Variants in JDP2 observed in about 807,000 individuals in gnomAD.
The protein encoded by JDP2 is progesterone receptor co-activator.
A neutral mutation model predicts 17.1 loss-of-function variants in JDP2; 9 were observed. The ratio of observed to expected loss-of-function variants is 0.53; its 90% CI spans 0.32 to 0.92. The LOEUF is 0.92. Ranked by LOEUF, JDP2 falls within the 40% of genes least tolerant of loss-of-function variation. The pLI, the probability that JDP2 is intolerant of heterozygous loss-of-function variation, is 0.04. For synonymous variants in JDP2, 107 were observed against 95.6 expected (o/e 1.12, Z -0.69); for missense variants, 179 against 220.0 (o/e 0.81, Z 1.18).
At chr14:75,431,950 G>T (rs1165644585) in intron 1 of JDP2, among the ~76,000 whole-genome samples, 1 of 152,264 alleles carries the variant, frequency 6.6e-6, no homozygotes, top group African/African-American at 2.4e-5. Context: ...GCCATACAGG[G>T]CAAATAACAT....
At chr14:75,432,306 G>C in intron 1 of JDP2, 2 of 1,551,458 alleles carry the variant, frequency 1.3e-6, no homozygotes, top group South Asian at 2.4e-5. Context: ...AAGAGGCTTG[G>C]TGGTTGATTC....
rs1594982702 is a variant in JDP2 at position 75,470,254 on chromosome 14, G to A, written c.*779G>A. The A allele has an allele frequency of 6.8e-6, 1 of 146,866 alleles. No individual in the cohort carries two copies. Among genetic ancestry groups the A allele is most frequent in the African/African-American group, 2.5e-5 (1 of 39,350 alleles). The allele number at this position is 146,866 out of a possible 1,614,324, so 9.1% of individuals were successfully genotyped here. On this transcript the variant is annotated 3_prime_UTR_variant, in exon 4 of 4. Coordinates refer to ENST00000651602, the MANE Select transcript of JDP2 (RefSeq NM_001135048.2). Reference sequence around the variant, plus strand: ...TATATATGGATTTCTATAATCACTCGATGTGATACAGTATAAATATGCTAT... The same window carrying A: ...TATATATGGATTTCTATAATCACTCAATGTGATACAGTATAAATATGCTAT...
rs1886842497 is a variant in JDP2, at chr14:75,472,799, T to C, written c.*3324T>C. ...CTGTAAAGATGGGCTGCCAAGTTTGTGTTCTGACCCTGTACGTGGTCCCTA... is the reference window on the plus strand; with the variant it reads ...CTGTAAAGATGGGCTGCCAAGTTTGCGTTCTGACCCTGTACGTGGTCCCTA... On this transcript the variant is annotated 3_prime_UTR_variant, in exon 4 of 4. Coordinates refer to ENST00000651602, the MANE Select transcript of JDP2 (RefSeq NM_001135048.2). 1 of 152,324 alleles carries C rather than the reference T, an allele frequency of 6.6e-6. No homozygotes were observed. The highest frequency in any genetic ancestry group is 1.5e-5 in the Non-Finnish European group (1 of 68,068). 9.4% of individuals were successfully genotyped at this position (152,324 alleles called of 1,614,324 possible). A position where few individuals can be genotyped will look rare whatever the true frequency, so the allele number is the denominator to read the frequency against.
chr14:75,434,136 C>T (rs534303538), intron 1 of JDP2, among the ~76,000 whole-genome samples: 13 of 152,198 alleles, frequency 8.5e-5, no homozygotes, highest in African/African-American at 4.8e-5. Context: ...GCTGCCACCT[C>T]CACTGCCCCC....
intron 2 of JDP2, among the ~76,000 whole-genome samples, chr14:75,449,079 G>A (rs1885736611): frequency 6.6e-6 from 1 of 152,202 alleles, no homozygotes; most frequent in African/African-American, 2.4e-5. Context: ...TTGATGGGGA[G>A]GTTGCCTTTG....
intron 1 of JDP2, among the ~76,000 whole-genome samples, chr14:75,435,414 G>A (rs938438203): frequency 1.3e-5 from 2 of 152,332 alleles, no homozygotes; most frequent in South Asian, 4.1e-4. Context: ...ATCTCCATGG[G>A]GGGTGGAGGG....
rs180849485 is a variant in JDP2 at position 75,430,214 on chromosome 14, G to C, written c.-24+1962G>C. Among the ~76,000 whole-genome samples the C allele has an allele frequency of 2.6e-5, 4 of 152,090 alleles. No homozygotes were observed. The highest frequency in any genetic ancestry group is 9.7e-5 in the African/African-American group (4 of 41,398). On this transcript the variant is annotated intron_variant, in intron 1 of 3. Coordinates refer to ENST00000651602, the MANE Select transcript of JDP2 (RefSeq NM_001135048.2). The surrounding 1 kb of genome is among the most constrained non-coding windows in gnomAD (Gnocchi z 4.5). The stretch of plus-strand genomic sequence containing the variant: ...ATAGGCTCTCTGGGCCTTGTTTGTC[G>C]TGGGGCTACTGGTGTTGCAATGGGC...
chr14:75,449,080 G>A (rs1241786357), intron 2 of JDP2, among the ~76,000 whole-genome samples: 1 of 152,236 alleles, frequency 6.6e-6, no homozygotes, highest in African/African-American at 2.4e-5. Context: ...TGATGGGGAG[G>A]TTGCCTTTGC....
At chr14:75,449,116 C>T (rs1001495216) in intron 2 of JDP2, among the ~76,000 whole-genome samples, 1 of 152,138 alleles carries the variant, frequency 6.6e-6, no homozygotes, top group Admixed American at 6.5e-5. Flanking sequence ...TTATCTGTGC[C>T]TTGTGCTTGA....
chr14:75,455,153 T>G lies in JDP2; in HGVS notation c.202-6273T>G, dbSNP rs997781519. On this transcript the variant is annotated intron_variant, in intron 2 of 3. Transcript: ENST00000651602. ...CTGGGCACACAAATCTGCGTGCGCA[T>G]GTACTGCATACAGATCCTGATTCAG... is the stretch of plus-strand genomic sequence containing the variant. 2.0e-5 allele frequency among the ~76,000 whole-genome samples: 3 copies of G among 152,154 alleles called. No individual in the cohort carries two copies. The South Asian group carries it at 6.2e-4, about 32-fold the overall frequency.
Position 75,445,240 on chromosome 14 carries a change from G to A in JDP2, c.201+7119G>A, listed in dbSNP as rs985545146. The A allele has an allele frequency of 3.1e-5, 31 of 985,350 alleles. No homozygotes were observed. The African/African-American group carries it at 5.4e-4, about 17-fold the overall frequency. The allele number at this position is 985,350 out of a possible 1,614,324, so 61.0% of individuals were successfully genotyped here. On this transcript the variant is annotated intron_variant, in intron 2 of 3. Transcript: ENST00000651602. ...CAACCTGGCCTGAGGTTGGAGCATG[G>A]AGATCTAGAGGAACTCATGGATGGA...
chr14:75,467,094 G>C (rs1886596031), intron 3 of JDP2, among the ~76,000 whole-genome samples: 1 of 152,198 alleles, frequency 6.6e-6, no homozygotes, highest in African/African-American at 2.4e-5. Context: ...CTCAGATTCT[G>C]AACCCACAAG....
intron 2 of JDP2, among the ~76,000 whole-genome samples, chr14:75,458,725 C>T (rs1886221711): frequency 6.6e-6 from 1 of 152,176 alleles, no homozygotes; most frequent in Non-Finnish European, 1.5e-5. Flanking sequence ...CTGTTTTTAG[C>T]TAAAAGCAGC....
chr14:75,431,183 C>T (rs1312143955), intron 1 of JDP2, among the ~76,000 whole-genome samples: 1 of 152,226 alleles, frequency 6.6e-6, no homozygotes, highest in Non-Finnish European at 1.5e-5. Context: ...TGGTTGTACG[C>T]TCCCAGCTTC....
chr14:75,442,765 A>G (rs1035273455), intron 2 of JDP2, among the ~76,000 whole-genome samples: 2 of 152,162 alleles, frequency 1.3e-5, no homozygotes, highest in Admixed American at 6.5e-5. Flanking sequence ...TGGAATCAGA[A>G]TATCTGAGGG....
intron 3 of JDP2, among the ~76,000 whole-genome samples, chr14:75,465,083 C>T (rs143480087): frequency 3.7e-4 from 56 of 152,264 alleles, no homozygotes; most frequent in African/African-American, 1.3e-3. Context: ...CGAGTCAGGA[C>T]GAGAACCTGG....
intron 3 of JDP2, 147 bp from the exon 4 acceptor site, chr14:75,469,143 C>T (rs1263618363): frequency 4.5e-6 from 3 of 673,552 alleles, no homozygotes. Flanking sequence ...GTCAGTTAGC[C>T]AGGGGCTCAG....
chr14:75,471,754 C>T lies in JDP2; in HGVS notation c.*2279C>T, dbSNP rs889753715. On this transcript the variant is annotated 3_prime_UTR_variant, in exon 4 of 4. Transcript: ENST00000651602. ...CAGCTGTGGCAGAAGGTTGTGGCAG[C>T]GGGTTGCCTTCTGTCTCGGGGGTCT... 1.0e-4 allele frequency: 16 copies of T among 154,334 alleles called. No homozygotes were observed. Among genetic ancestry groups the T allele is most frequent in the Admixed American group, 9.7e-4 (15 of 15,522 alleles). The allele number at this position is 154,334 out of a possible 1,614,324, so 9.6% of individuals were successfully genotyped here. A position where few individuals can be genotyped will look rare whatever the true frequency, so the allele number is the denominator to read the frequency against.
intron 2 of JDP2, among the ~76,000 whole-genome samples, chr14:75,447,566 CTT>C (rs1885657776): frequency 6.6e-6 from 1 of 152,100 alleles, no homozygotes; most frequent in Non-Finnish European, 1.5e-5. Flanking sequence ...TTTACATAGA[CTT>C]CAGCACAAAG....
Sources: allele counts gnomAD v4.1 joint callset (sites outside exome capture counted in the v4.1 genomes callset), GRCh38; gene constraint gnomAD v4.1.1; non-coding constraint Gnocchi (gnomAD v3.1); transcripts MANE v1.5; gene names NCBI Gene and HGNC (gene_info 2026-07-23, HGNC 2026-07-21).